SHROOM4: variants seen among roughly 807,000 people sequenced by gnomAD.
The protein encoded by SHROOM4 is protein Shroom4.
Under a neutral mutation model 80.3 loss-of-function variants are expected in SHROOM4, and 17 were observed. That is an observed-to-expected ratio of 0.21 (90% CI 0.14 to 0.32). The LOEUF is 0.32. Ranked by LOEUF, SHROOM4 falls within the 10% of genes least tolerant of loss-of-function variation. The pLI is 1.00. For missense variants in SHROOM4, 993 were observed against 1,140.3 expected, an observed-to-expected ratio of 0.87 and a Z score of 1.86; for synonymous variants, 400 against 437.5, an observed-to-expected ratio of 0.91 and a Z score of 1.07.
chrX:50,786,817 T>C (rs1194684904), intron 1 of SHROOM4, among the ~76,000 whole-genome samples: 1 of 111,604 alleles, frequency 9.0e-6, no homozygotes, highest in Non-Finnish European at 1.9e-5. Context: ...ATTGGAGATA[T>C]ATGATTTACC....
chrX:50,742,535 G>A (rs1235890969), intron 1 of SHROOM4, among the ~76,000 whole-genome samples: 1 of 107,270 alleles, frequency 9.3e-6, no homozygotes, highest in Non-Finnish European at 1.9e-5. Flanking sequence ...TGTTTTTGAT[G>A]ACCATGTCAG....
At chrX:50,661,634 T>A (rs782371525) in intron 2 of SHROOM4, among the ~76,000 whole-genome samples, 1 of 112,700 alleles carries the variant, frequency 8.9e-6, no homozygotes, top group South Asian at 3.7e-4. Context: ...AGTCTATTCA[T>A]GTGCTTAGTA....
At chrX:50,664,799 T>C (rs576699758) in intron 2 of SHROOM4, among the ~76,000 whole-genome samples, 1 of 111,088 alleles carries the variant, frequency 9.0e-6, no homozygotes, top group African/African-American at 3.3e-5. Context: ...ACATTTTTAA[T>C]GACACATAGT....
chrX:50,799,857 C>T (rs1222346082), intron 1 of SHROOM4, among the ~76,000 whole-genome samples: 1 of 111,841 alleles, frequency 8.9e-6, no homozygotes, highest in Non-Finnish European at 1.9e-5. Context: ...CACAGCAACG[C>T]GTCCCAACAC....
chrX:50,640,417 A>G (rs1557256962), intron 2 of SHROOM4, among the ~76,000 whole-genome samples: 1 of 94,658 alleles, frequency 1.1e-5, no homozygotes, highest in Admixed American at 1.2e-4. Flanking sequence ...CCCCCCCTCC[A>G]TTTTCACTGT....
chrX:50,780,537 T>C (rs1935603072), intron 1 of SHROOM4, among the ~76,000 whole-genome samples: 1 of 111,808 alleles, frequency 8.9e-6, no homozygotes, highest in Non-Finnish European at 1.9e-5. Context: ...TGAATCCACC[T>C]GCAGAAAAGA....
At position 50,755,442 on chromosome X, in the gene SHROOM4, CA is replaced by C. The variant is rs1202779086; in HGVS notation, c.117+58459del. ...CTTCTACAGACTGGGCAAAAATTGC[CA>C]TGAAATATAGCTACTCGGTCCTTCT... is the stretch of plus-strand genomic sequence containing the variant. On this transcript the variant is annotated intron_variant, in intron 1 of 8. Coordinates refer to ENST00000376020, the MANE Select transcript of SHROOM4 (RefSeq NM_020717.5). Among the ~76,000 whole-genome samples, 3 of 111,598 alleles carry C rather than the reference CA, an allele frequency of 2.7e-5. 1 individual carries two copies. Among genetic ancestry groups the C allele is most frequent in the African/African-American group, 9.8e-5 (3 of 30,658 alleles).
chrX:50,756,240 A>G (rs1434991646), intron 1 of SHROOM4, among the ~76,000 whole-genome samples: 1 of 112,421 alleles, frequency 8.9e-6, no homozygotes, highest in Non-Finnish European at 1.9e-5. Flanking sequence ...AATAAATGGA[A>G]TCATACAATA....
chrX:50,668,171 A>C (rs782765835), intron 2 of SHROOM4, among the ~76,000 whole-genome samples: 72 of 112,268 alleles, frequency 6.4e-4, no homozygotes, highest in Non-Finnish European at 1.1e-3. Context: ...CATGATGTTA[A>C]TGGAGAACAC....
At chrX:50,657,833 C>CT in intron 2 of SHROOM4, among the ~76,000 whole-genome samples, 1 of 111,226 alleles carries the variant, frequency 9.0e-6, no homozygotes, top group Admixed American at 9.5e-5. Context: ...CAAACTAATT[C>CT]TTTTTTGCTA....
chrX:50,731,126 G>A (rs1478487804), intron 1 of SHROOM4, among the ~76,000 whole-genome samples: 5 of 110,369 alleles, frequency 4.5e-5, no homozygotes, highest in Non-Finnish European at 5.7e-5. Flanking sequence ...TGACTCTGTC[G>A]CATTAAAACA....
intron 1 of SHROOM4, among the ~76,000 whole-genome samples, chrX:50,731,275 T>C (rs904294495): frequency 9.2e-6 from 1 of 108,860 alleles, no homozygotes; most frequent in African/African-American, 3.3e-5. Flanking sequence ...AACTGCCCCC[T>C]CTATCCCCTC....
intron 2 of SHROOM4, among the ~76,000 whole-genome samples, chrX:50,656,513 T>A (rs145238896): frequency 9.5e-4 from 107 of 112,122 alleles, no homozygotes; most frequent in African/African-American, 3.4e-3. Flanking sequence ...AGACTGTGCT[T>A]TCCCCATTAT....
chrX:50,579,689 A>G, the SHROOM4 span, among the ~76,000 whole-genome samples: 1 of 111,255 alleles, frequency 9.0e-6, no homozygotes, highest in African/African-American at 3.3e-5. Flanking sequence ...AAAACTGTGG[A>G]AAGGTTTAAA....
At chrX:50,661,067 G>T (rs1402893136) in intron 2 of SHROOM4, among the ~76,000 whole-genome samples, 2 of 111,185 alleles carry the variant, frequency 1.8e-5, no homozygotes, top group Non-Finnish European at 3.8e-5. Context: ...CCAGCCTCTT[G>T]CCATATCAGA....
chrX:50,581,711 A>AG, the SHROOM4 span, among the ~76,000 whole-genome samples: 1 of 111,657 alleles, frequency 9.0e-6, no homozygotes, highest in Non-Finnish European at 1.9e-5. Flanking sequence ...ATTTAGATAA[A>AG]CTCCTCTACA....
At chrX:50,765,444 A>T (rs1935253282) in intron 1 of SHROOM4, among the ~76,000 whole-genome samples, 1 of 111,936 alleles carries the variant, frequency 8.9e-6, no homozygotes, top group South Asian at 3.7e-4. Context: ...TATTCCATCA[A>T]GTACCAGACA....
chrX:50,602,761 A>T lies in SHROOM4; in HGVS notation c.3814T>A (p.Ser1272Thr). 8.3e-7 allele frequency: 1 copy of T among 1,209,379 alleles called. No individual in the cohort carries two copies. The highest frequency in any genetic ancestry group is 1.1e-6 in the Non-Finnish European group (1 of 894,973). Residue 1272 changes from serine (S) to threonine (T), a missense_variant, in exon 7 of 9, where the codon TCT becomes ACT. Physicochemically the swap from Ser to Thr is moderately conservative, Grantham distance 58. Coordinates refer to ENST00000376020, the MANE Select transcript of SHROOM4 (RefSeq NM_020717.5). The part of the protein sequence containing the change: ...PPSGAPGIPT[S>T]YSAYYNISVA... ...GAAATATTGTAATAAGCTGAGTAAG[A>T]GGTAGGGATTCCTGGGGCCCCTGAA...
At chrX:50,677,405 C>T (rs1557261410) in intron 2 of SHROOM4, among the ~76,000 whole-genome samples, 2 of 110,753 alleles carry the variant, frequency 1.8e-5, no homozygotes, top group Admixed American at 9.6e-5. Flanking sequence ...ATCTCAACAC[C>T]GATATCTAGG....
Sources: allele counts gnomAD v4.1 joint callset (sites outside exome capture counted in the v4.1 genomes callset), GRCh38; gene constraint gnomAD v4.1.1; transcripts MANE v1.5; gene names NCBI Gene and HGNC (gene_info 2026-07-23, HGNC 2026-07-21).